Variants in BBX observed in about 807,000 individuals in gnomAD.
BBX encodes the protein BBX high mobility group box domain containing, also known as HMG box transcription factor BBX.
BBX carries 30 observed loss-of-function variants against 100.2 expected under a neutral mutation model. The ratio of observed to expected loss-of-function variants is 0.30; its 90% CI spans 0.22 to 0.41. The LOEUF (loss-of-function observed/expected upper bound fraction) is 0.41, where lower values mean the gene tolerates loss of function less well. Among genes scored for constraint, BBX ranks in the 10% least tolerant of loss-of-function variants. The pLI is 1.00. For synonymous variants in BBX, 376 were observed against 388.1 expected (o/e 0.97, Z 0.37); for missense variants, 1,023 against 1,129.8 (o/e 0.91, Z 1.35).
chr3:107,641,426 G>GT (rs1439745713), intron 2 of BBX, among the ~76,000 whole-genome samples: 2 of 152,132 alleles, frequency 1.3e-5, no homozygotes. Flanking sequence ...TCAATATTAA[G>GT]TACTGAAGGG....
At chr3:107,644,882 A>G (rs189600732) in intron 2 of BBX, among the ~76,000 whole-genome samples, 5 of 152,268 alleles carry the variant, frequency 3.3e-5, no homozygotes, top group Admixed American at 3.3e-4. Context: ...GAATCATTAC[A>G]TATTTTTGAT....
chr3:107,663,987 AG>A (rs911089131), intron 3 of BBX, among the ~76,000 whole-genome samples: 2 of 151,942 alleles, frequency 1.3e-5, no homozygotes, highest in African/African-American at 2.4e-5. Context: ...TTGTATTTTT[AG>A]TAGAGACGAG....
chr3:107,706,097 A>T lies in BBX; in HGVS notation c.-9-4355A>T, dbSNP rs536270700. On this transcript the variant is annotated intron_variant, in intron 3 of 17. Transcript: ENST00000325805. ...GAGTGCAGTGGCATAATCTCGGCTC[A>T]CTACAACCTCTGTCTCCTGGGTTCA... Among the ~76,000 whole-genome samples the T allele has an allele frequency of 2.7e-5, 4 of 146,122 alleles. No homozygotes were observed. In the South Asian group the frequency reaches 8.6e-4, roughly 31 times the overall value.
rs372598327 is a variant in BBX, at chr3:107,716,626, A to G, written c.182A>G (p.Asp61Gly). The G allele has an allele frequency of 3.5e-5, 56 of 1,613,600 alleles. No homozygotes were observed. Among genetic ancestry groups the G allele is most frequent in the Non-Finnish European group, 4.6e-5 (54 of 1,179,706 alleles). ...TAATAGGTTCAACTTCTTGGGGCCG[A>G]TGGCCTAGAGCAAGATGTTGGTGAA... is the stretch of plus-strand genomic sequence containing the variant. The part of the protein sequence containing the change: ...DIDKVQLLGA[D>G]GLEQDVGETE... The change falls in exon 5 of 18, where the codon GAT (aspartate) becomes GGT (glycine). Residue 61 changes from aspartate (D) to glycine (G), a missense_variant. Asp to Gly is a moderately conservative substitution (Grantham distance 94, BLOSUM62 -1). Around this residue, in one of 9 missense-constraint regions of BBX, gnomAD observed 229 missense variants for 226.3 expected, o/e 1.01. Coordinates refer to ENST00000325805, the MANE Select transcript of BBX (RefSeq NM_001142568.3).
chr3:107,581,626 A>G (rs1014224337), intron 2 of BBX, among the ~76,000 whole-genome samples: 1 of 152,044 alleles, frequency 6.6e-6, no homozygotes, highest in African/African-American at 2.4e-5. Context: ...TGCTGTGGGC[A>G]TCAGCTGATT....
At chr3:107,565,189 C>A (rs2050788826) in intron 2 of BBX, among the ~76,000 whole-genome samples, 2 of 151,878 alleles carry the variant, frequency 1.3e-5, no homozygotes. Flanking sequence ...CCTTGTAAAA[C>A]CTTTTATTAG....
At chr3:107,696,558 A>C (rs370174876) in intron 3 of BBX, among the ~76,000 whole-genome samples, 1 of 151,880 alleles carries the variant, frequency 6.6e-6, no homozygotes, top group Non-Finnish European at 1.5e-5. Flanking sequence ...AGTTTCTGCC[A>C]AGAGATCCGC....
At chr3:107,616,832 A>C (rs2107674885) in intron 2 of BBX, among the ~76,000 whole-genome samples, 1 of 152,188 alleles carries the variant, frequency 6.6e-6, no homozygotes, top group Middle Eastern at 3.4e-3. Flanking sequence ...TATTTTCTTC[A>C]TCTGTAGCTT....
chr3:107,792,241 A>T (rs1020723450), intron 15 of BBX, among the ~76,000 whole-genome samples: 1 of 152,166 alleles, frequency 6.6e-6, no homozygotes, highest in African/African-American at 2.4e-5. Context: ...AAAAGAGCTG[A>T]CATTTTTGTA....
chr3:107,619,564 T>C (rs961163741), intron 2 of BBX, among the ~76,000 whole-genome samples: 1 of 152,080 alleles, frequency 6.6e-6, no homozygotes, highest in African/African-American at 2.4e-5. Context: ...CTGATGAATA[T>C]CAGGTTTTTT....
chr3:107,730,126 G>A (rs143212134), intron 6 of BBX, among the ~76,000 whole-genome samples: 19 of 152,044 alleles, frequency 1.2e-4, no homozygotes, highest in East Asian at 1.2e-3. Flanking sequence ...ATTCTAGGGC[G>A]GAAAAAAGGA....
At chr3:107,659,718 T>C (rs1225330894) in intron 3 of BBX, 2 of 1,282,262 alleles carry the variant, frequency 1.6e-6, no homozygotes, top group African/African-American at 1.5e-5. Flanking sequence ...TATCCTCACA[T>C]GTTTGGGTAT....
chr3:107,599,263 C>G lies in BBX; in HGVS notation c.-83-46573C>G, dbSNP rs142978272. 555 of 152,580 alleles carry G rather than the reference C, an allele frequency of 3.6e-3. 6 individuals are homozygous for G. In the Middle Eastern group the frequency reaches 0.037, roughly 10 times the overall value. 9.5% of individuals were successfully genotyped at this position (152,580 alleles called of 1,614,324 possible). ...CAGCCAGTACTGTCTGTGCTTCGCT[C>G]TCTCCCCCAGCTGAGTTCCTTTCTG... is the stretch of plus-strand genomic sequence containing the variant. On this transcript the variant is annotated intron_variant, in intron 2 of 17. Coordinates refer to ENST00000325805, the MANE Select transcript of BBX (RefSeq NM_001142568.3).
chr3:107,797,438 A>G (rs2069844531), intron 15 of BBX, among the ~76,000 whole-genome samples: 1 of 145,856 alleles, frequency 6.9e-6, no homozygotes, highest in African/African-American at 2.5e-5. Context: ...TATGTCTGAC[A>G]TTAGTTTTCT....
intron 2 of BBX, among the ~76,000 whole-genome samples, chr3:107,642,584 T>C (rs1307426300): frequency 6.6e-6 from 1 of 152,210 alleles, no homozygotes; most frequent in African/African-American, 2.4e-5. Flanking sequence ...ACAGTCTCTT[T>C]GAAAGCATAC....
intron 5 of BBX, among the ~76,000 whole-genome samples, chr3:107,725,903 A>T (rs1206727007): frequency 6.6e-6 from 1 of 152,084 alleles, no homozygotes; most frequent in East Asian, 1.9e-4. Flanking sequence ...AGTATTTTTA[A>T]CAAAAATGTT....
At chr3:107,725,991 C>T (rs1031973319) in intron 5 of BBX, among the ~76,000 whole-genome samples, 2 of 151,928 alleles carry the variant, frequency 1.3e-5, no homozygotes, top group African/African-American at 2.4e-5. Flanking sequence ...GTGAGCTTCT[C>T]CTCCCACCAT....
At chr3:107,687,386 A>G (rs923085326) in intron 3 of BBX, among the ~76,000 whole-genome samples, 1 of 150,234 alleles carries the variant, frequency 6.7e-6, no homozygotes. Context: ...CGCATAGCTG[A>G]TATATTGTGT....
chr3:107,764,141 C>T (rs1035496038), intron 10 of BBX, among the ~76,000 whole-genome samples: 3 of 152,120 alleles, frequency 2.0e-5, no homozygotes, highest in Admixed American at 6.5e-5. Context: ...TACAGGCGCC[C>T]GCCACCATGC....
Sources: allele counts gnomAD v4.1 joint callset (sites outside exome capture counted in the v4.1 genomes callset), GRCh38; gene constraint gnomAD v4.1.1; regional missense constraint gnomAD v4.1.1; transcripts MANE v1.5; gene names NCBI Gene and HGNC (gene_info 2026-07-23, HGNC 2026-07-21).